GRK3: variants seen among roughly 807,000 people sequenced by gnomAD.
GRK3 encodes G protein-coupled receptor kinase 3.
A neutral mutation model predicts 95.7 loss-of-function variants in GRK3; 54 were observed. The observed-to-expected ratio is 0.56, with a 90% confidence interval of 0.45 to 0.71. GRK3 has a LOEUF of 0.71. Among genes scored for constraint, GRK3 ranks in the 30% least tolerant of loss-of-function variants. The probability of loss-of-function intolerance (pLI) is 0.00; values close to 1 mark genes in which losing one functional copy is unlikely to be tolerated. For missense variants in GRK3, 649 were observed against 851.2 expected (o/e 0.76, Z 2.96); for synonymous variants, 281 against 290.8 (o/e 0.97, Z 0.34).
At chr22:25,647,185 A>ACCCCCC in intron 3 of GRK3, 1 of 44,598 alleles carries the variant, frequency 2.2e-5, no homozygotes, top group Non-Finnish European at 4.7e-5. Context: ...CCTCACCTCC[A>ACCCCCC]CCCACCGCCC....
At chr22:25,590,549 C>T (rs780380467) in intron 1 of GRK3, among the ~76,000 whole-genome samples, 1 of 152,112 alleles carries the variant, frequency 6.6e-6, no homozygotes, top group Non-Finnish European at 1.5e-5. Flanking sequence ...AGGCCGGGCG[C>T]GGTGGCTCAT....
At chr22:25,613,919 T>C (rs1365267239) in intron 2 of GRK3, among the ~76,000 whole-genome samples, 1 of 152,000 alleles carries the variant, frequency 6.6e-6, no homozygotes, top group Non-Finnish European at 1.5e-5. Flanking sequence ...CTTTTTTTTT[T>C]TTTAAACCCA....
intron 2 of GRK3, among the ~76,000 whole-genome samples, chr22:25,616,387 G>GGA (rs143019947): frequency 5.3e-4 from 80 of 149,718 alleles, no homozygotes; most frequent in African/African-American, 1.2e-3. Flanking sequence ...AGAGAGGGAG[G>GGA]GAGAGAGAGA....
Position 25,680,497 on chromosome 22 carries a change from A to G in GRK3, c.747+1582A>G, listed in dbSNP as rs1210196799. ...GATATTTATTCTCAAGAAAGCCTAT[A>G]GAAAATAAACGTTTTAATGTTGGAA... On this transcript the variant is annotated intron_variant, in intron 9 of 20. Coordinates refer to ENST00000324198, the MANE Select transcript of GRK3 (RefSeq NM_005160.4). 3.3e-4 allele frequency among the ~76,000 whole-genome samples: 50 copies of G among 152,366 alleles called. 1 individual carries two copies.
At chr22:25,600,032 ATTCT>A (rs2084398405) in intron 1 of GRK3, among the ~76,000 whole-genome samples, 1 of 152,140 alleles carries the variant, frequency 6.6e-6, no homozygotes, top group Admixed American at 6.5e-5. Context: ...AAGTATGCAG[ATTCT>A]TTAAGTACTT....
At chr22:25,656,270 G>T (rs1474842868) in intron 3 of GRK3, among the ~76,000 whole-genome samples, 1 of 152,014 alleles carries the variant, frequency 6.6e-6, no homozygotes, top group African/African-American at 2.4e-5. Flanking sequence ...TTATTCCAAG[G>T]TAAAGTTACT....
intron 2 of GRK3, among the ~76,000 whole-genome samples, chr22:25,611,083 A>G (rs958751976): frequency 1.3e-5 from 2 of 152,062 alleles, no homozygotes; most frequent in African/African-American, 4.8e-5. Flanking sequence ...GCTGGTCTCG[A>G]ACTCCTGACC....
At chr22:25,717,408 T>C (rs1005920310) in intron 18 of GRK3, among the ~76,000 whole-genome samples, 1 of 152,174 alleles carries the variant, frequency 6.6e-6, no homozygotes, top group Non-Finnish European at 1.5e-5. Context: ...TTTACCTGCT[T>C]GTCTCCAGAT....
Position 25,644,613 on chromosome 22 carries a change from T to A in GRK3, c.212T>A (p.Phe71Tyr), listed in dbSNP as rs1296867594. The A allele has an allele frequency of 1.0e-5, 16 of 1,570,394 alleles. No individual in the cohort carries two copies. The highest frequency in any genetic ancestry group is 1.1e-5 in the Non-Finnish European group (13 of 1,146,796). Residue 71 changes from phenylalanine to tyrosine, a missense_variant, in exon 3 of 21, where the codon TTT becomes TAT. By Grantham distance (22) the Phe-to-Tyr change is conservative. Coordinates refer to ENST00000324198, the MANE Select transcript of GRK3 (RefSeq NM_005160.4). ...TTAGGTTTCTTGCTATTTAAAGATT[T>A]TTGTTTGAATGAAATTAATGAAGCT... ...QKIGFLLFKD[F>Y]CLNEINEAVP...
chr22:25,649,737 G>A (rs1218609131), intron 3 of GRK3, among the ~76,000 whole-genome samples: 2 of 151,938 alleles, frequency 1.3e-5, no homozygotes, highest in Non-Finnish European at 2.9e-5. Flanking sequence ...TAGTCAATAG[G>A]CAATCTTAAT....
intron 5 of GRK3, 90 bp from the exon 6 acceptor site, chr22:25,667,649 G>A (rs917712050): frequency 1.2e-5 from 10 of 869,368 alleles, no homozygotes; most frequent in African/African-American, 1.7e-5. Flanking sequence ...GCATAATTGG[G>A]AACTTCGCTT....
intron 5 of GRK3, among the ~76,000 whole-genome samples, chr22:25,666,059 G>T (rs1426308303): frequency 6.6e-6 from 1 of 152,184 alleles, no homozygotes; most frequent in African/African-American, 2.4e-5. Context: ...CTGAGGATCA[G>T]AGAGGGAAAG....
chr22:25,687,724 A>G, intron 11 of GRK3, 57 bp downstream of exon 11: 1 of 1,588,450 alleles, frequency 6.3e-7, no homozygotes, highest in South Asian at 1.1e-5. Flanking sequence ...ATGGTCCTCT[A>G]GAAGTCCCCT....
At chr22:25,612,053 G>T (rs1420447701) in intron 2 of GRK3, among the ~76,000 whole-genome samples, 1 of 151,922 alleles carries the variant, frequency 6.6e-6, no homozygotes, top group African/African-American at 2.4e-5. Flanking sequence ...GGCTGGTCAC[G>T]ATCTCTTGAG....
intron 1 of GRK3, among the ~76,000 whole-genome samples, chr22:25,586,471 G>A (rs558559114): frequency 1.4e-3 from 211 of 152,202 alleles, no homozygotes; most frequent in African/African-American, 4.9e-3. Context: ...AACATTTCAT[G>A]TCCCCGTAAA....
intron 1 of GRK3, among the ~76,000 whole-genome samples, chr22:25,597,398 A>G (rs2084379587): frequency 1.3e-5 from 2 of 152,228 alleles, no homozygotes; most frequent in South Asian, 4.1e-4. Flanking sequence ...TAGGATTACT[A>G]TAGTTAACAA....
intron 2 of GRK3, among the ~76,000 whole-genome samples, chr22:25,613,865 G>A (rs2084517261): frequency 6.6e-6 from 1 of 151,752 alleles, no homozygotes; most frequent in Non-Finnish European, 1.5e-5. Context: ...ATAAAAAGAG[G>A]AGAAAAAGGC....
intron 1 of GRK3, among the ~76,000 whole-genome samples, chr22:25,585,745 C>T (rs183195658): frequency 0.036 from 5,427 of 152,256 alleles, 48 homozygotes; most frequent in African/African-American, 0.082. Flanking sequence ...GGCAGAAAAG[C>T]GTTTTCAGCC....
chr22:25,666,477 C>G (rs2084942294), intron 5 of GRK3, among the ~76,000 whole-genome samples: 1 of 152,198 alleles, frequency 6.6e-6, no homozygotes, highest in Admixed American at 6.5e-5. Context: ...TCCTCTTTCA[C>G]CACAAAGGGG....
Sources: gnomAD v4.1 joint callset for allele counts (sites outside exome capture counted in the v4.1 genomes callset) on GRCh38, gnomAD v4.1.1 for gene constraint, MANE v1.5 for transcripts, NCBI Gene and HGNC (gene_info 2026-07-23, HGNC 2026-07-21) for gene names.